Variants in AKT3 observed in about 807,000 individuals in gnomAD.
AKT3 encodes the protein RAC-gamma serine/threonine-protein kinase.
Under a neutral mutation model 65.3 loss-of-function variants are expected in AKT3, and 15 were observed. The observed-to-expected ratio is 0.23, with a 90% CI of 0.15 to 0.35. The LOEUF (loss-of-function observed/expected upper bound fraction) is 0.35. Among genes scored for constraint, AKT3 ranks in the 10% least tolerant of loss-of-function variants. The pLI is 1.00. For missense variants in AKT3, 243 were observed against 576.5 expected (o/e 0.42, Z 5.92); for synonymous variants, 206 against 183.8 (o/e 1.12, Z -0.98).
chr1:243,570,227 T>G (rs769878047), intron 9 of AKT3, among the ~76,000 whole-genome samples: 2 of 152,226 alleles, frequency 1.3e-5, no homozygotes, highest in African/African-American at 4.8e-5. Context: ...ACTTGAGAAG[T>G]GCTGCTACTG....
At chr1:243,618,318 C>A (rs1376897737) in intron 6 of AKT3, among the ~76,000 whole-genome samples, 1 of 152,114 alleles carries the variant, frequency 6.6e-6, no homozygotes, top group East Asian at 1.9e-4. Context: ...TATTTTACAG[C>A]TGATCAGATT....
chr1:243,669,503 G>C (rs1683027813), intron 3 of AKT3, among the ~76,000 whole-genome samples: 1 of 152,160 alleles, frequency 6.6e-6, no homozygotes, highest in South Asian at 2.1e-4. Context: ...CAATCAGAAA[G>C]AAATTCAAAT....
At chr1:243,569,592 G>A (rs568549802) in intron 9 of AKT3, among the ~76,000 whole-genome samples, 78 of 152,252 alleles carry the variant, frequency 5.1e-4, no homozygotes, top group African/African-American at 1.8e-3. Flanking sequence ...CCACCCCTTC[G>A]TGCCATTACT....
chr1:243,516,126 G>A (rs1157654384), intron 12 of AKT3, among the ~76,000 whole-genome samples: 1 of 152,228 alleles, frequency 6.6e-6, no homozygotes, highest in Non-Finnish European at 1.5e-5. Context: ...CTTCGTTGGT[G>A]AAAATATGTG....
rs116495747 is a variant in AKT3, at chr1:243,734,414, C to T, written c.47-38698G>A. On this transcript the variant is annotated intron_variant, in intron 2 of 13. Coordinates refer to ENST00000673466, the MANE Select transcript of AKT3 (RefSeq NM_005465.7). The stretch of plus-strand genomic sequence containing the variant: ...TTAGGCAATTTCCTCACTGAGTGAA[C>T]ATCATAGAAACACCTAGTTTTTAGG... Among the ~76,000 whole-genome samples, 1,329 of 152,286 alleles carry T rather than the reference C, an allele frequency of 8.7e-3. 15 individuals are homozygous for T. The highest frequency in any genetic ancestry group is 0.03 in the African/African-American group (1,259 of 41,556).
chr1:243,747,008 T>C (rs1688509094), intron 2 of AKT3, among the ~76,000 whole-genome samples: 1 of 152,162 alleles, frequency 6.6e-6, no homozygotes, highest in Non-Finnish European at 1.5e-5. Flanking sequence ...GTTTTTGTAT[T>C]AGGCTGTGAT....
At chr1:243,567,067 C>T (rs545550307) in intron 9 of AKT3, among the ~76,000 whole-genome samples, 1 of 152,128 alleles carries the variant, frequency 6.6e-6, no homozygotes, top group African/African-American at 2.4e-5. Context: ...ATCGCTTGAG[C>T]TCAGGAGTTC....
At chr1:243,671,436 G>T (rs1683153462) in intron 3 of AKT3, among the ~76,000 whole-genome samples, 2 of 152,072 alleles carry the variant, frequency 1.3e-5, no homozygotes, top group Non-Finnish European at 2.9e-5. Context: ...GAGTTATGAT[G>T]ACCATAAACC....
chr1:243,781,141 A>G (rs1338687186), intron 2 of AKT3, among the ~76,000 whole-genome samples: 1 of 152,050 alleles, frequency 6.6e-6, no homozygotes, highest in East Asian at 1.9e-4. Context: ...ATGTATATAT[A>G]ATTTTCTTTA....
intron 2 of AKT3, among the ~76,000 whole-genome samples, chr1:243,796,818 G>C (rs148736966): frequency 6.6e-6 from 1 of 152,018 alleles, no homozygotes; most frequent in Non-Finnish European, 1.5e-5. Flanking sequence ...AAGGAGATGC[G>C]GACATGTGCC....
intron 2 of AKT3, among the ~76,000 whole-genome samples, chr1:243,790,379 C>T (rs1012363992): frequency 2.6e-5 from 4 of 152,170 alleles, no homozygotes; most frequent in African/African-American, 9.7e-5. Context: ...GGCTTCTTTC[C>T]TTAAACCTCA....
At chr1:243,828,704 T>C (rs1216512009) in intron 2 of AKT3, among the ~76,000 whole-genome samples, 1 of 152,206 alleles carries the variant, frequency 6.6e-6, no homozygotes, top group African/African-American at 2.4e-5. Context: ...GTTAATGGAC[T>C]GTTTATGTTA....
chr1:243,644,240 T>C (rs906179418), intron 5 of AKT3, among the ~76,000 whole-genome samples: 47 of 152,340 alleles, frequency 3.1e-4, no homozygotes, highest in African/African-American at 1.1e-3. Flanking sequence ...CTTATGACTA[T>C]ACTCTGTTTC....
At chr1:243,674,415 G>A (rs183900134) in intron 3 of AKT3, among the ~76,000 whole-genome samples, 2 of 152,278 alleles carry the variant, frequency 1.3e-5, no homozygotes, top group African/African-American at 2.4e-5. Flanking sequence ...AACGCAATAT[G>A]AAGTACACAG....
At chr1:243,599,074 T>C (rs984470920) in intron 8 of AKT3, among the ~76,000 whole-genome samples, 4 of 152,166 alleles carry the variant, frequency 2.6e-5, no homozygotes, top group Admixed American at 2.0e-4. Context: ...TTGTACACTT[T>C]AAATATGTAC....
rs561966797 is a variant in AKT3, at chr1:243,703,918, C to T, written c.47-8202G>A. Among the ~76,000 whole-genome samples, 60 of 152,184 alleles carry T rather than the reference C, an allele frequency of 3.9e-4. No individual in the cohort carries two copies. In the South Asian group the frequency reaches 9.1e-3, roughly 23 times the overall value. On this transcript the variant is annotated intron_variant, in intron 2 of 13. Coordinates refer to ENST00000673466, the MANE Select transcript of AKT3 (RefSeq NM_005465.7). ...GCATATTATAGGTACTTATTAAATA[C>T]ATATATTGATTAGATTTTCCAACTC...
intron 6 of AKT3, chr1:243,625,101 G>T: frequency 4.9e-6 from 1 of 206,052 alleles, no homozygotes; most frequent in Non-Finnish European, 1.0e-5. Context: ...GGAGCTGCTG[G>T]TCTTATTGCC....
chr1:243,751,164 CTG>C (rs770318006), intron 2 of AKT3, among the ~76,000 whole-genome samples: 3 of 152,042 alleles, frequency 2.0e-5, no homozygotes, highest in Non-Finnish European at 4.4e-5. Flanking sequence ...AAAAAAGACT[CTG>C]AAAGAGAAGG....
At chr1:243,794,527 A>C (rs1435368221) in intron 2 of AKT3, 1 of 152,246 alleles carries the variant, frequency 6.6e-6, no homozygotes, top group Non-Finnish European at 1.5e-5. Flanking sequence ...ACATATTCTT[A>C]AGTTAAATGT....
Sources: gnomAD v4.1 joint callset for allele counts (sites outside exome capture counted in the v4.1 genomes callset) on GRCh38, gnomAD v4.1.1 for gene constraint, MANE v1.5 for transcripts, NCBI Gene and HGNC (gene_info 2026-07-23, HGNC 2026-07-21) for gene names.